SLC16A2: variants seen among roughly 807,000 people sequenced by gnomAD.
The protein encoded by SLC16A2 is solute carrier family 16 member 2.
In SLC16A2, 3 loss-of-function variants were observed where a neutral mutation model predicts 27.2. That is an observed-to-expected ratio of 0.11 (90% CI 0.05 to 0.28). SLC16A2 has a LOEUF of 0.28. Among genes scored for constraint, SLC16A2 ranks in the 10% least tolerant of loss-of-function variants. The pLI is 1.00. For missense variants in SLC16A2, 295 were observed against 458.5 expected, an observed-to-expected ratio of 0.64 and a Z score of 3.26; for synonymous variants, 202 against 187.8, an observed-to-expected ratio of 1.08 and a Z score of -0.62.
chrX:74,440,425 G>A (rs1404216691), intron 1 of SLC16A2, among the ~76,000 whole-genome samples: 1 of 110,262 alleles, frequency 9.1e-6, no homozygotes, highest in Non-Finnish European at 1.9e-5. Flanking sequence ...GTGTGTATGT[G>A]TGTGTGTGTT....
At chrX:74,521,189 G>T in intron 2 of SLC16A2, 55 bp downstream of exon 2, 5 of 1,180,804 alleles carry the variant, frequency 4.2e-6, no homozygotes, top group Non-Finnish European at 5.8e-6. Context: ...GTTTTTTTCT[G>T]GGCTTTAGCT....
chrX:74,499,362 T>C (rs1410333560), intron 1 of SLC16A2, among the ~76,000 whole-genome samples: 1 of 110,610 alleles, frequency 9.0e-6, no homozygotes, highest in Non-Finnish European at 1.9e-5. Context: ...AATTCAGTAT[T>C]CATCTCCTCC....
chrX:74,491,580 C>T (rs1929825786), intron 1 of SLC16A2, among the ~76,000 whole-genome samples: 1 of 111,977 alleles, frequency 8.9e-6, no homozygotes, highest in South Asian at 3.7e-4. Flanking sequence ...TCGACTCCCA[C>T]TTCCCATCAT....
chrX:74,501,702 C>T (rs1198534846), intron 1 of SLC16A2, among the ~76,000 whole-genome samples: 3 of 111,331 alleles, frequency 2.7e-5, no homozygotes, highest in Non-Finnish European at 5.7e-5. Context: ...TGCCTCAGGC[C>T]TAAGGGTATG....
At chrX:74,427,813 A>ATGCG (rs1928436985) in intron 1 of SLC16A2, among the ~76,000 whole-genome samples, 5 of 45,743 alleles carry the variant, frequency 1.1e-4, no homozygotes, top group African/African-American at 3.2e-4. Context: ...ACGCGCGCGC[A>ATGCG]CACACACACA....
At chrX:74,490,574 A>G (rs1929807751) in intron 1 of SLC16A2, among the ~76,000 whole-genome samples, 1 of 110,750 alleles carries the variant, frequency 9.0e-6, no homozygotes, top group Non-Finnish European at 1.9e-5. Flanking sequence ...TTTCCTGAAT[A>G]AGCCTTTTTT....
chrX:74,441,383 G>C (rs890764413), intron 1 of SLC16A2, among the ~76,000 whole-genome samples: 1 of 111,913 alleles, frequency 8.9e-6, no homozygotes, highest in Non-Finnish European at 1.9e-5. Context: ...TTTACAATTT[G>C]CTTGGCAGTG....
At chrX:74,464,000 G>T (rs570363360) in intron 1 of SLC16A2, among the ~76,000 whole-genome samples, 1 of 111,946 alleles carries the variant, frequency 8.9e-6, no homozygotes, top group African/African-American at 3.2e-5. Flanking sequence ...AGATTAATTG[G>T]CATTTTTAGA....
chrX:74,477,730 C>A (rs937722046), intron 1 of SLC16A2, among the ~76,000 whole-genome samples: 3 of 111,825 alleles, frequency 2.7e-5, no homozygotes, highest in Non-Finnish European at 5.6e-5. Context: ...GCCTTCATTT[C>A]GTTATGTACC....
intron 1 of SLC16A2, chrX:74,473,218 C>T (rs373687663): frequency 1.3e-6 from 1 of 785,265 alleles, no homozygotes. Flanking sequence ...AAAATTGCTT[C>T]CATCATTACC....
chrX:74,485,567 C>T (rs919372812), intron 1 of SLC16A2, among the ~76,000 whole-genome samples: 15 of 110,861 alleles, frequency 1.4e-4, no homozygotes, highest in Admixed American at 2.9e-4. Flanking sequence ...CCAAATGGCG[C>T]GGCCACTCCC....
At chrX:74,485,348 C>T (rs1007486189) in intron 1 of SLC16A2, among the ~76,000 whole-genome samples, 8 of 110,468 alleles carry the variant, frequency 7.2e-5, no homozygotes, top group African/African-American at 2.3e-4. Context: ...TTTAGCCATT[C>T]GCTAAAGAAA....
At position 74,427,485 on chromosome X, in the gene SLC16A2, C is replaced by T. The variant is rs184045744; in HGVS notation, c.430+5418C>T. On this transcript the variant is annotated intron_variant, in intron 1 of 5. Transcript: ENST00000587091. Reference sequence around the variant, plus strand: ...TTCCTTTTCCTTGGAAGTCATTGGCCGTATTGCCTCCAGCCCATGAAGAGT... The same window carrying T: ...TTCCTTTTCCTTGGAAGTCATTGGCTGTATTGCCTCCAGCCCATGAAGAGT... Among the ~76,000 whole-genome samples the T allele has an allele frequency of 7.0e-4, 78 of 111,507 alleles. 1 individual carries two copies. Among genetic ancestry groups the T allele is most frequent in the Admixed American group, 1.9e-4 (2 of 10,471 alleles).
chrX:74,466,705 G>C (rs1193591486), intron 1 of SLC16A2, among the ~76,000 whole-genome samples: 4 of 111,281 alleles, frequency 3.6e-5, no homozygotes, highest in African/African-American at 1.3e-4. Context: ...TTCTGTGTAG[G>C]GTCTGCTGCA....
intron 1 of SLC16A2, among the ~76,000 whole-genome samples, chrX:74,452,299 G>A (rs1162811438): frequency 8.9e-6 from 1 of 111,977 alleles, no homozygotes; most frequent in Admixed American, 9.5e-5. Context: ...AGTCTTGTCC[G>A]TTCCCGTTCT....
intron 1 of SLC16A2, among the ~76,000 whole-genome samples, chrX:74,430,675 T>A (rs1320159339): frequency 8.9e-6 from 1 of 112,249 alleles, no homozygotes; most frequent in African/African-American, 3.2e-5. Flanking sequence ...TAAGGCTGTA[T>A]AGAAAAAGGA....
chrX:74,497,416 ATC>A (rs1412159631), intron 1 of SLC16A2, among the ~76,000 whole-genome samples: 3 of 110,645 alleles, frequency 2.7e-5, no homozygotes, highest in Non-Finnish European at 1.9e-5. Flanking sequence ...ACTTTTTGTC[ATC>A]TCAGCGAGAA....
intron 4 of SLC16A2, 48 bp from the exon 5 acceptor site, chrX:74,529,164 TG>T: frequency 1.1e-6 from 1 of 878,266 alleles, no homozygotes; most frequent in Non-Finnish European, 1.7e-6. Context: ...TGATGCTATG[TG>T]GTCTTGGCTG....
At chrX:74,444,514 A>C (rs1928806342) in intron 1 of SLC16A2, among the ~76,000 whole-genome samples, 2 of 112,144 alleles carry the variant, frequency 1.8e-5, no homozygotes, top group South Asian at 7.4e-4. Flanking sequence ...TTCTACCACT[A>C]TCTGCAAATT....
Sources: allele counts gnomAD v4.1 joint callset (sites outside exome capture counted in the v4.1 genomes callset), GRCh38; gene constraint gnomAD v4.1.1; transcripts MANE v1.5; gene names NCBI Gene and HGNC (gene_info 2026-07-23, HGNC 2026-07-21).